PRKD1: variants seen among roughly 807,000 people sequenced by gnomAD.
The protein encoded by PRKD1 is serine/threonine-protein kinase D1.
PRKD1 carries 63 observed loss-of-function variants against 95.9 expected under a neutral mutation model. The observed-to-expected ratio is 0.66, with a 90% CI of 0.54 to 0.81. The LOEUF (loss-of-function observed/expected upper bound fraction) is 0.81, where lower values mean the gene tolerates loss of function less well. Among genes scored for constraint, PRKD1 ranks in the 30% least tolerant of loss-of-function variants. The pLI is 0.00. For synonymous variants in PRKD1, 425 were observed against 423.1 expected, an observed-to-expected ratio of 1.00 and a Z score of -0.05; for missense variants, 1,048 against 1,165.3, an observed-to-expected ratio of 0.90 and a Z score of 1.47.
At chr14:29,895,824 C>T (rs1293657971) in intron 1 of PRKD1, among the ~76,000 whole-genome samples, 1 of 152,166 alleles carries the variant, frequency 6.6e-6, no homozygotes, top group African/African-American at 2.4e-5. Flanking sequence ...GGAAGCCAGC[C>T]CTGACCACCC....
intron 1 of PRKD1, among the ~76,000 whole-genome samples, chr14:29,785,463 T>C (rs535862913): frequency 1.3e-5 from 2 of 152,326 alleles, no homozygotes; most frequent in South Asian, 2.1e-4. Flanking sequence ...GAGTTTCTGA[T>C]AGAGTCCTAA....
chr14:29,667,078 T>C (rs1419882690), intron 2 of PRKD1, among the ~76,000 whole-genome samples: 1 of 152,194 alleles, frequency 6.6e-6, no homozygotes, highest in Non-Finnish European at 1.5e-5. Context: ...ATGAGCTTTT[T>C]TCTTAGTGTC....
In PRKD1 at chr14:29,683,576, C is replaced by T. The variant is rs575697181; in HGVS notation, c.404-17368G>A. Among the ~76,000 whole-genome samples, 15 of 151,950 alleles carry T rather than the reference C, an allele frequency of 9.9e-5. 1 individual carries two copies. The highest frequency in any genetic ancestry group is 4.2e-4 in the South Asian group (2 of 4,802). On this transcript the variant is annotated intron_variant, in intron 2 of 17. Coordinates refer to ENST00000331968, the MANE Select transcript of PRKD1 (RefSeq NM_002742.3). ...AGCCAAGTGAAGTTCTTCTGAGCCACGTAAAGAGCCATAAAAGAGGAGGCA... is the reference window on the plus strand; with the variant it reads ...AGCCAAGTGAAGTTCTTCTGAGCCATGTAAAGAGCCATAAAAGAGGAGGCA...
At chr14:29,609,898 C>T (rs567547346) in intron 13 of PRKD1, among the ~76,000 whole-genome samples, 7 of 152,020 alleles carry the variant, frequency 4.6e-5, no homozygotes, top group Admixed American at 1.3e-4. Context: ...ACACACCTCG[C>T]AGTCATTCTT....
chr14:29,721,627 C>T (rs8005940), intron 2 of PRKD1, among the ~76,000 whole-genome samples: 85,488 of 151,836 alleles, frequency 0.56, 26,439 homozygotes, highest in African/African-American at 0.84. Flanking sequence ...ATACATTCCA[C>T]AACCTTGATT....
chr14:29,826,840 CACACATATATATAT>C (rs1891204070), intron 1 of PRKD1, among the ~76,000 whole-genome samples: 1 of 15,448 alleles, frequency 6.5e-5, no homozygotes, highest in Non-Finnish European at 1.2e-4. Context: ...TATATATATA[CACACATATATATAT>C]ATATATATAT....
At chr14:29,754,790 C>T (rs1431188415) in intron 1 of PRKD1, among the ~76,000 whole-genome samples, 1 of 152,022 alleles carries the variant, frequency 6.6e-6, no homozygotes, top group African/African-American at 2.4e-5. Context: ...CTTCTTGAGA[C>T]TGATTCAGCT....
chr14:29,882,509 T>C (rs1449498140), intron 1 of PRKD1, among the ~76,000 whole-genome samples: 2 of 152,258 alleles, frequency 1.3e-5, no homozygotes, highest in East Asian at 3.8e-4. Context: ...TTATTAGTTG[T>C]GGTGAGATAA....
At chr14:29,696,962 T>C (rs1365386335) in intron 2 of PRKD1, among the ~76,000 whole-genome samples, 1 of 152,062 alleles carries the variant, frequency 6.6e-6, no homozygotes, top group Non-Finnish European at 1.5e-5. Flanking sequence ...GTGACAACCA[T>C]GGGATGCCGT....
rs375262255 is a variant in PRKD1, at chr14:29,816,063, CA to C, written c.265-90390del. Among the ~76,000 whole-genome samples the C allele has an allele frequency of 4.2e-3, 638 of 152,142 alleles. 1 individual carries two copies. Among genetic ancestry groups the C allele is most frequent in the African/African-American group, 0.014 (583 of 41,502 alleles). ...TGAAACCCCATCTCTACTAAAAATA[CA>C]AAAATTAGCTGGGTGTCGTGGCACA... On this transcript the variant is annotated intron_variant, in intron 1 of 17. Coordinates refer to ENST00000331968, the MANE Select transcript of PRKD1 (RefSeq NM_002742.3).
At chr14:29,891,597 T>C (rs536737256) in intron 1 of PRKD1, among the ~76,000 whole-genome samples, 9 of 152,006 alleles carry the variant, frequency 5.9e-5, no homozygotes, top group Non-Finnish European at 1.2e-4. Flanking sequence ...TGCTCTCCTA[T>C]GACTCTCTAA....
At chr14:29,834,496 G>T (rs1041339883) in intron 1 of PRKD1, among the ~76,000 whole-genome samples, 13 of 151,904 alleles carry the variant, frequency 8.6e-5, no homozygotes, top group African/African-American at 3.1e-4. Context: ...TCTGGGTTTA[G>T]CTAGCCCTAA....
chr14:29,804,340 T>C (rs1890150121), intron 1 of PRKD1, among the ~76,000 whole-genome samples: 1 of 152,134 alleles, frequency 6.6e-6, no homozygotes, highest in Admixed American at 6.5e-5. Flanking sequence ...GTTCTCCAGC[T>C]AGTAAATCTA....
At chr14:29,704,696 TTTTG>T (rs1387131895) in intron 2 of PRKD1, among the ~76,000 whole-genome samples, 3 of 152,150 alleles carry the variant, frequency 2.0e-5, no homozygotes, top group Admixed American at 1.3e-4. Flanking sequence ...CTTTGTTTTG[TTTTG>T]TTTGAGACCC....
chr14:29,614,413 A>T (rs1040840442), intron 13 of PRKD1, among the ~76,000 whole-genome samples: 6 of 152,278 alleles, frequency 3.9e-5, no homozygotes, highest in South Asian at 4.1e-4. Context: ...CCTACATTTT[A>T]AAAAAAGGAA....
At chr14:29,685,684 T>C (rs1158811227) in intron 2 of PRKD1, among the ~76,000 whole-genome samples, 1 of 152,148 alleles carries the variant, frequency 6.6e-6, no homozygotes, top group Non-Finnish European at 1.5e-5. Context: ...TTTAGAAAGA[T>C]GAGCAATTAT....
intron 6 of PRKD1, among the ~76,000 whole-genome samples, chr14:29,637,139 C>T (rs938434833): frequency 3.3e-5 from 5 of 152,038 alleles, no homozygotes; most frequent in Non-Finnish European, 7.4e-5. Flanking sequence ...TGGGAAGCTG[C>T]TCATATTTTA....
chr14:29,730,922 T>C (rs912044145), intron 1 of PRKD1, among the ~76,000 whole-genome samples: 1 of 152,098 alleles, frequency 6.6e-6, no homozygotes, highest in African/African-American at 2.4e-5. Context: ...AAGTTCAAGA[T>C]ATCTATTGTA....
intron 1 of PRKD1, among the ~76,000 whole-genome samples, chr14:29,863,821 T>C (rs1892791747): frequency 1.3e-5 from 2 of 152,202 alleles, no homozygotes; most frequent in East Asian, 1.9e-4. Context: ...AAATACACAC[T>C]TTTTCCCCAA....
Sources: allele counts gnomAD v4.1 joint callset (sites outside exome capture counted in the v4.1 genomes callset), GRCh38; gene constraint gnomAD v4.1.1; transcripts MANE v1.5; gene names NCBI Gene and HGNC (gene_info 2026-07-23, HGNC 2026-07-21).